Variants in DOCK5 observed in about 807,000 individuals in gnomAD.
DOCK5 encodes the protein dedicator of cytokinesis 5.
In DOCK5, 142 loss-of-function variants were observed where a neutral mutation model predicts 251.8. That is an observed-to-expected ratio of 0.56 (90% confidence interval 0.49 to 0.65). DOCK5 has a LOEUF of 0.65. DOCK5 is among the 30% of genes least tolerant of loss of function. The pLI, the probability that DOCK5 is intolerant of heterozygous loss-of-function variation, is 0.00. For synonymous variants in DOCK5, 842 were observed against 835.5 expected (o/e 1.01, Z -0.13); for missense variants, 2,111 against 2,312.3 (o/e 0.91, Z 1.79).
chr8:25,267,199 C>A (rs991239214), intron 2 of DOCK5, among the ~76,000 whole-genome samples: 4 of 152,028 alleles, frequency 2.6e-5, no homozygotes, highest in African/African-American at 4.8e-5. Context: ...CCTTCTTATT[C>A]CTGAATCTCT....
intron 46 of DOCK5, among the ~76,000 whole-genome samples, chr8:25,400,359 A>G (rs774127142): frequency 9.9e-5 from 15 of 151,934 alleles, no homozygotes; most frequent in Non-Finnish European, 1.6e-4. Flanking sequence ...TTAGCCAGGC[A>G]TGGTGGTGCA....
intron 13 of DOCK5, among the ~76,000 whole-genome samples, chr8:25,313,194 C>T (rs1273629243): frequency 2.0e-5 from 3 of 152,098 alleles, no homozygotes; most frequent in Non-Finnish European, 4.4e-5. Context: ...TCCCTGTACC[C>T]CCTTGCCCTC....
intron 40 of DOCK5, among the ~76,000 whole-genome samples, chr8:25,384,451 A>ATTTTTT (rs1311005105): frequency 3.8e-5 from 1 of 26,548 alleles, no homozygotes; most frequent in Non-Finnish European, 1.0e-4. Flanking sequence ...TTATTTATTT[A>ATTTTTT]TTTATTTATT....
At chr8:25,305,050 C>T (rs1033143547) in intron 11 of DOCK5, 1 of 152,282 alleles carries the variant, frequency 6.6e-6, no homozygotes, top group African/African-American at 2.4e-5. Flanking sequence ...AACGTCATGA[C>T]CTGCTCCAGC....
chr8:25,250,033 C>T (rs899739940), intron 2 of DOCK5, among the ~76,000 whole-genome samples: 3 of 152,196 alleles, frequency 2.0e-5, no homozygotes, highest in Non-Finnish European at 4.4e-5. Context: ...CAAACATTTG[C>T]GTGCAAGTTT....
At chr8:25,233,845 G>A (rs1263972617) in intron 1 of DOCK5, among the ~76,000 whole-genome samples, 1 of 152,194 alleles carries the variant, frequency 6.6e-6, no homozygotes, top group Non-Finnish European at 1.5e-5. Context: ...ATGCAGACAT[G>A]CAATGTGAAA....
At chr8:25,332,825 G>T in intron 20 of DOCK5, 133 bp downstream of exon 20, 1 of 671,356 alleles carries the variant, frequency 1.5e-6, no homozygotes, top group Non-Finnish European at 2.3e-6. Context: ...TATTGTTTTA[G>T]GCTGAATTCC....
intron 1 of DOCK5, among the ~76,000 whole-genome samples, chr8:25,201,241 C>T (rs1036448035): frequency 2.6e-5 from 4 of 152,152 alleles, no homozygotes; most frequent in Non-Finnish European, 5.9e-5. Context: ...AACCATTAGC[C>T]TCAGGCTTCG....
chr8:25,225,165 C>T (rs113496773), intron 1 of DOCK5, among the ~76,000 whole-genome samples: 2,548 of 152,288 alleles, frequency 0.017, 81 homozygotes, highest in African/African-American at 0.058. Flanking sequence ...TAAAATGGTG[C>T]AGTCCCTATG....
At chr8:25,190,053 G>A (rs1241900038) in intron 1 of DOCK5, among the ~76,000 whole-genome samples, 3 of 151,974 alleles carry the variant, frequency 2.0e-5, no homozygotes, top group Non-Finnish European at 4.4e-5. Flanking sequence ...CGCCCGGCCA[G>A]TTTTTGTATT....
intron 2 of DOCK5, among the ~76,000 whole-genome samples, chr8:25,260,845 G>T (rs1417632343): frequency 6.6e-6 from 1 of 151,428 alleles, no homozygotes; most frequent in Non-Finnish European, 1.5e-5. Context: ...GCCCAGGCTG[G>T]AGTGCAGTGG....
chr8:25,185,786 C>T (rs1291637692), intron 1 of DOCK5, among the ~76,000 whole-genome samples: 1 of 152,112 alleles, frequency 6.6e-6, no homozygotes, highest in East Asian at 1.9e-4. Flanking sequence ...GCTTTGGCTC[C>T]GAAACAATAG....
intron 45 of DOCK5, among the ~76,000 whole-genome samples, chr8:25,396,075 T>A (rs1181535576): frequency 6.6e-6 from 1 of 152,050 alleles, no homozygotes; most frequent in African/African-American, 2.4e-5. Context: ...AGAGCCACAC[T>A]CTCTTTAGAA....
At chr8:25,242,110 A>C (rs1802969177) in intron 1 of DOCK5, among the ~76,000 whole-genome samples, 1 of 152,132 alleles carries the variant, frequency 6.6e-6, no homozygotes, top group African/African-American at 2.4e-5. Flanking sequence ...TATGTAACAA[A>C]CCTGCATGTT....
At chr8:25,407,420 T>TTGAATTAAGCCCTTCCCA (rs1801541068) in intron 48 of DOCK5, among the ~76,000 whole-genome samples, 1 of 152,198 alleles carries the variant, frequency 6.6e-6, no homozygotes. Flanking sequence ...TGCCTGTACA[T>TTGAATTAAGCCCTTCCCA]TGAATTAAGC....
intron 2 of DOCK5, among the ~76,000 whole-genome samples, chr8:25,251,716 C>T (rs1040491227): frequency 3.3e-5 from 5 of 152,086 alleles, no homozygotes; most frequent in African/African-American, 1.2e-4. Context: ...GGGCTGGGTG[C>T]GGTAGCTCAT....
intron 5 of DOCK5, among the ~76,000 whole-genome samples, chr8:25,287,768 A>T (rs1257146142): frequency 6.6e-6 from 1 of 152,174 alleles, no homozygotes; most frequent in African/African-American, 2.4e-5. Context: ...GACGAGAGAT[A>T]ACCGAGAAGG....
At chr8:25,337,795 C>T (rs947957668) in intron 22 of DOCK5, among the ~76,000 whole-genome samples, 36 of 151,648 alleles carry the variant, frequency 2.4e-4, no homozygotes, top group African/African-American at 8.2e-4. Context: ...ACATGTTAGC[C>T]AGGATGGTCT....
intron 7 of DOCK5, among the ~76,000 whole-genome samples, chr8:25,298,226 A>G (rs150669922): frequency 1.4e-3 from 220 of 152,150 alleles, no homozygotes; most frequent in Middle Eastern, 3.4e-3. Flanking sequence ...CATGGTCATG[A>G]TAATATTTGT....
Sources: allele counts gnomAD v4.1 joint callset (sites outside exome capture counted in the v4.1 genomes callset), GRCh38; gene constraint gnomAD v4.1.1; transcripts MANE v1.5; gene names NCBI Gene and HGNC (gene_info 2026-07-23, HGNC 2026-07-21).